The following COMMD10 variants were observed in gnomAD, a reference collection of about 807,000 sequenced individuals.
COMMD10 encodes COMM domain-containing protein 10.
Under a neutral mutation model 28.9 loss-of-function variants are expected in COMMD10, and 33 were observed. The ratio of observed to expected loss-of-function variants is 1.14; its 90% CI spans 0.87 to 1.53. COMMD10 has a LOEUF of 1.53. Among genes scored for constraint, COMMD10 ranks in the 40% most tolerant of loss-of-function variants. COMMD10 has a pLI of 0.00. For synonymous variants in COMMD10, 110 were observed against 81.7 expected, an observed-to-expected ratio of 1.35 and a Z score of -1.87; for missense variants, 310 against 233.4, an observed-to-expected ratio of 1.33 and a Z score of -2.14.
rs530792697 is a variant in COMMD10, at chr5:116,092,849, A to C, written c.399+149A>C. ...GCTCCTCAACTTACAATGGCCTTACATCCTGATAGACCTGTCACAAATTGA... is the reference window on the plus strand; with the variant it reads ...GCTCCTCAACTTACAATGGCCTTACCTCCTGATAGACCTGTCACAAATTGA... On this transcript the variant is annotated intron_variant, in intron 4 of 6. Transcript: ENST00000274458. The C allele has an allele frequency of 8.1e-6, 4 of 495,060 alleles. No homozygotes were observed. In the Admixed American group the frequency reaches 1.2e-4, roughly 15 times the overall value. The allele number at this position is 495,060 out of a possible 1,614,324, so 30.7% of individuals were successfully genotyped here.
chr5:116,168,544 G>A (rs936183434), intron 5 of COMMD10, among the ~76,000 whole-genome samples: 16 of 151,958 alleles, frequency 1.1e-4, no homozygotes, highest in Non-Finnish European at 1.5e-4. Context: ...TCTCAGCACT[G>A]CATCCCGCAC....
intron 5 of COMMD10, among the ~76,000 whole-genome samples, chr5:116,239,463 A>C (rs1178554382): frequency 6.6e-6 from 1 of 152,126 alleles, no homozygotes; most frequent in African/African-American, 2.4e-5. Flanking sequence ...TGGAGCTAAA[A>C]GCAGCTCACA....
intron 6 of COMMD10, among the ~76,000 whole-genome samples, chr5:116,291,823 T>C (rs908834964): frequency 1.1e-4 from 16 of 152,122 alleles, no homozygotes; most frequent in Non-Finnish European, 1.6e-4. Context: ...ATATAAAACA[T>C]TAAGTAATGA....
At chr5:116,148,745 G>A (rs772172306) in intron 5 of COMMD10, among the ~76,000 whole-genome samples, 5 of 151,706 alleles carry the variant, frequency 3.3e-5, no homozygotes, top group Non-Finnish European at 4.4e-5. Flanking sequence ...AAACTTTTGT[G>A]TATCAAAGAA....
intron 4 of COMMD10, among the ~76,000 whole-genome samples, chr5:116,133,838 T>C (rs1193898218): frequency 6.6e-6 from 1 of 152,142 alleles, no homozygotes. Context: ...TAGAATAGAG[T>C]ATATTTAAAG....
intron 5 of COMMD10, among the ~76,000 whole-genome samples, chr5:116,163,554 G>T (rs947426308): frequency 6.6e-6 from 1 of 151,526 alleles, no homozygotes; most frequent in Non-Finnish European, 1.5e-5. Context: ...GCACCATCGC[G>T]CTCCAGCCTG....
intron 4 of COMMD10, among the ~76,000 whole-genome samples, chr5:116,131,156 G>C (rs937611605): frequency 6.6e-6 from 1 of 151,888 alleles, no homozygotes; most frequent in African/African-American, 2.4e-5. Context: ...AACTTAGTGA[G>C]GCAGGTCTTA....
intron 5 of COMMD10, among the ~76,000 whole-genome samples, chr5:116,207,478 A>T (rs1450602650): frequency 6.6e-6 from 1 of 152,120 alleles, no homozygotes; most frequent in Non-Finnish European, 1.5e-5. Flanking sequence ...GTTTCTCTCA[A>T]CTGGTTTCAG....
At chr5:116,291,042 A>G (rs1026376205) in intron 5 of COMMD10, among the ~76,000 whole-genome samples, 2 of 152,126 alleles carry the variant, frequency 1.3e-5, no homozygotes, top group Admixed American at 6.6e-5. Context: ...AGAAGGTAAC[A>G]CTCAGCATGT....
intron 5 of COMMD10, among the ~76,000 whole-genome samples, chr5:116,210,665 A>G (rs1748938900): frequency 6.6e-6 from 1 of 152,064 alleles, no homozygotes; most frequent in South Asian, 2.1e-4. Flanking sequence ...AAATCCTGTC[A>G]TTTCTACTTT....
chr5:116,218,960 T>C (rs1395661012), intron 5 of COMMD10, among the ~76,000 whole-genome samples: 2 of 152,206 alleles, frequency 1.3e-5, no homozygotes, highest in Non-Finnish European at 2.9e-5. Context: ...GATAGGGCCT[T>C]TAATGATGTA....
chr5:116,258,792 T>A lies in COMMD10; in HGVS notation c.511-32725T>A, dbSNP rs938831380. Among the ~76,000 whole-genome samples the A allele has an allele frequency of 3.3e-5, 5 of 151,690 alleles. 1 individual carries two copies. The highest frequency in any genetic ancestry group is 1.2e-4 in the African/African-American group (5 of 41,090). ...GATACTACGCTAGGATGCCATATTA[T>A]TAATGCTTTGCCTCATCTGCCTCTC... On this transcript the variant is annotated intron_variant, in intron 5 of 6. Coordinates refer to ENST00000274458, the MANE Select transcript of COMMD10 (RefSeq NM_016144.4).
chr5:116,182,337 TA>T (rs1369611361), intron 5 of COMMD10, among the ~76,000 whole-genome samples: 1 of 151,486 alleles, frequency 6.6e-6, no homozygotes, highest in Non-Finnish European at 1.5e-5. Flanking sequence ...GGAGAGAAAT[TA>T]AGAACAATAG....
chr5:116,089,311 A>G (rs762104129), intron 2 of COMMD10, among the ~76,000 whole-genome samples: 1 of 152,222 alleles, frequency 6.6e-6, no homozygotes, highest in Non-Finnish European at 1.5e-5. Flanking sequence ...TCCCAAGGTA[A>G]CACAGCTAGC....
At chr5:116,184,452 ACTT>A (rs1488736655) in intron 5 of COMMD10, among the ~76,000 whole-genome samples, 1 of 151,000 alleles carries the variant, frequency 6.6e-6, no homozygotes, top group African/African-American at 2.4e-5. Flanking sequence ...GACTTTTGTT[ACTT>A]CTTTATAGAC....
At chr5:116,175,058 C>G (rs1350124433) in intron 5 of COMMD10, among the ~76,000 whole-genome samples, 1 of 152,046 alleles carries the variant, frequency 6.6e-6, no homozygotes, top group Non-Finnish European at 1.5e-5. Flanking sequence ...TAACTATTTC[C>G]TTTACTTCCT....
chr5:116,208,465 C>A (rs1748874499), intron 5 of COMMD10, among the ~76,000 whole-genome samples: 1 of 152,112 alleles, frequency 6.6e-6, no homozygotes, highest in South Asian at 2.1e-4. Flanking sequence ...AACAGTTATT[C>A]CCTCCTTGTA....
chr5:116,124,358 T>G (rs901568714), intron 4 of COMMD10, among the ~76,000 whole-genome samples: 1 of 152,226 alleles, frequency 6.6e-6, no homozygotes, highest in Non-Finnish European at 1.5e-5. Context: ...GATTGTTCAG[T>G]TTCCATGTAC....
chr5:116,125,827 A>C (rs1045540119), intron 4 of COMMD10, among the ~76,000 whole-genome samples: 2 of 152,072 alleles, frequency 1.3e-5, no homozygotes, highest in East Asian at 3.9e-4. Flanking sequence ...TTTCATACTG[A>C]ATGGGCAAAA....
Sources: allele counts gnomAD v4.1 joint callset (sites outside exome capture counted in the v4.1 genomes callset), GRCh38; gene constraint gnomAD v4.1.1; transcripts MANE v1.5; gene names NCBI Gene and HGNC (gene_info 2026-07-23, HGNC 2026-07-21).